The following BMPER variants were observed in gnomAD, a reference collection of about 807,000 sequenced individuals.
BMPER encodes the protein BMP binding endothelial regulator.
BMPER carries 45 observed loss-of-function variants against 87.3 expected under a neutral mutation model. That is an observed-to-expected ratio of 0.52 (90% CI 0.41 to 0.66). BMPER has a LOEUF of 0.66. Ranked by LOEUF, BMPER falls within the 30% of genes least tolerant of loss-of-function variation. The pLI, the probability that BMPER is intolerant of heterozygous loss-of-function variation, is 0.00. For missense variants in BMPER, 784 were observed against 867.5 expected (o/e 0.90, Z 1.21); for synonymous variants, 326 against 316.2 (o/e 1.03, Z -0.33).
chr7:34,148,232 G>A (rs1254895170), intron 14 of BMPER, among the ~76,000 whole-genome samples: 3 of 152,126 alleles, frequency 2.0e-5, no homozygotes, highest in African/African-American at 7.2e-5. Flanking sequence ...GTCATTGTCT[G>A]TCTGACAATG....
At chr7:34,018,609 C>A (rs1395076964) in intron 6 of BMPER, among the ~76,000 whole-genome samples, 3 of 151,890 alleles carry the variant, frequency 2.0e-5, no homozygotes, top group African/African-American at 7.2e-5. Context: ...TGAAATGTGG[C>A]TTGCACTTGG....
At chr7:33,989,385 CATGTGTTTTTT>C (rs1222192324) in intron 6 of BMPER, among the ~76,000 whole-genome samples, 16 of 151,912 alleles carry the variant, frequency 1.1e-4, no homozygotes, top group Admixed American at 3.3e-4. Context: ...AGCTTTTTTT[CATGTGTTTTTT>C]GGCTGCATAA....
At chr7:33,956,474 A>G (rs1785150108) in intron 3 of BMPER, among the ~76,000 whole-genome samples, 1 of 152,168 alleles carries the variant, frequency 6.6e-6, no homozygotes, top group African/African-American at 2.4e-5. Flanking sequence ...CCCTCGGACA[A>G]CATGGGTTTG....
chr7:33,988,119 C>T (rs1786063784), intron 6 of BMPER, among the ~76,000 whole-genome samples: 1 of 152,116 alleles, frequency 6.6e-6, no homozygotes. Context: ...TAATTTTTTT[C>T]ATGCTGTCAT....
chr7:33,913,894 C>T (rs1214628457), intron 2 of BMPER, among the ~76,000 whole-genome samples: 1 of 152,090 alleles, frequency 6.6e-6, no homozygotes, highest in Non-Finnish European at 1.5e-5. Context: ...CTGCGTGATC[C>T]ATTTGGTAAA....
intron 13 of BMPER, among the ~76,000 whole-genome samples, chr7:34,103,250 C>T (rs563110355): frequency 2.0e-4 from 30 of 152,166 alleles, no homozygotes; most frequent in African/African-American, 7.0e-4. Flanking sequence ...GAGCTGTGCC[C>T]TTATTTTCAG....
At chr7:34,006,244 A>T (rs1407744218) in intron 6 of BMPER, among the ~76,000 whole-genome samples, 1 of 152,026 alleles carries the variant, frequency 6.6e-6, no homozygotes, top group South Asian at 2.1e-4. Context: ...TTTTGTTTAG[A>T]AATCTATACA....
intron 6 of BMPER, among the ~76,000 whole-genome samples, chr7:34,011,635 A>AAAGC (rs1287717585): frequency 6.6e-6 from 1 of 151,482 alleles, no homozygotes; most frequent in Non-Finnish European, 1.5e-5. Context: ...AGAAACAAAG[A>AAAGC]AAGCAAATTT....
intron 6 of BMPER, among the ~76,000 whole-genome samples, chr7:34,014,712 T>C (rs1786974338): frequency 6.6e-6 from 1 of 151,976 alleles, no homozygotes; most frequent in African/African-American, 2.4e-5. Context: ...GGAATTGAGG[T>C]TGTAAGTAAA....
At chr7:33,990,773 A>G (rs1369368314) in intron 6 of BMPER, among the ~76,000 whole-genome samples, 58 of 120,934 alleles carry the variant, frequency 4.8e-4, no homozygotes, top group African/African-American at 1.7e-3. Flanking sequence ...AGCTCTTATT[A>G]TTTTGAAATA....
At chr7:34,064,358 A>G (rs1475213163) in intron 11 of BMPER, among the ~76,000 whole-genome samples, 1 of 152,204 alleles carries the variant, frequency 6.6e-6, no homozygotes, top group Non-Finnish European at 1.5e-5. Flanking sequence ...TTATTTTGCA[A>G]GGATCAAATA....
chr7:33,920,573 A>C (rs748130195), intron 2 of BMPER, among the ~76,000 whole-genome samples: 5 of 151,584 alleles, frequency 3.3e-5, no homozygotes, highest in Admixed American at 6.6e-5. Flanking sequence ...TTACAGGTGC[A>C]CACCACCACG....
Position 33,930,545 on chromosome 7 carries a change from G to C in BMPER, c.220-6744G>C, listed in dbSNP as rs952514673. On this transcript the variant is annotated intron_variant, in intron 2 of 14. Transcript: ENST00000649409. The stretch of plus-strand genomic sequence containing the variant: ...CAGGTATAAGCTTGCATTCTCTCCT[G>C]TCTGTGAGTTCATGCTCGTTTGCTC... Among the ~76,000 whole-genome samples, 4 of 152,174 alleles carry C rather than the reference G, an allele frequency of 2.6e-5. No homozygotes were observed. In the East Asian group the frequency reaches 7.7e-4, roughly 29 times the overall value.
At chr7:33,919,594 G>A (rs1784166166) in intron 2 of BMPER, among the ~76,000 whole-genome samples, 1 of 152,188 alleles carries the variant, frequency 6.6e-6, no homozygotes, top group South Asian at 2.1e-4. Context: ...AGCTCTGCAG[G>A]AAATGTGGGA....
chr7:34,103,328 C>T (rs1003295498), intron 13 of BMPER, among the ~76,000 whole-genome samples: 3 of 152,126 alleles, frequency 2.0e-5, no homozygotes, highest in African/African-American at 7.2e-5. Flanking sequence ...CTCCCAGGTC[C>T]GTTTAGACCT....
chr7:33,964,095 T>C (rs1785342087), intron 3 of BMPER, among the ~76,000 whole-genome samples: 1 of 152,240 alleles, frequency 6.6e-6, no homozygotes, highest in African/African-American at 2.4e-5. Flanking sequence ...TGATTGTATC[T>C]ATATCTGAGT....
chr7:33,917,631 A>C (rs907997239), intron 2 of BMPER, among the ~76,000 whole-genome samples: 1 of 152,234 alleles, frequency 6.6e-6, no homozygotes, highest in East Asian at 1.9e-4. Flanking sequence ...GGATATGCAG[A>C]TAAATGATGG....
intron 6 of BMPER, among the ~76,000 whole-genome samples, chr7:33,982,539 C>A (rs1447405747): frequency 6.6e-6 from 1 of 151,742 alleles, no homozygotes; most frequent in Non-Finnish European, 1.5e-5. Context: ...CTGGATAGCA[C>A]TTGGCCACTA....
chr7:34,008,004 A>G (rs1330094133), intron 6 of BMPER, among the ~76,000 whole-genome samples: 1 of 151,982 alleles, frequency 6.6e-6, no homozygotes, highest in African/African-American at 2.4e-5. Context: ...AATGGTGATA[A>G]ATATTAAGTT....
Sources: allele counts gnomAD v4.1 joint callset (sites outside exome capture counted in the v4.1 genomes callset), GRCh38; gene constraint gnomAD v4.1.1; transcripts MANE v1.5; gene names NCBI Gene and HGNC (gene_info 2026-07-23, HGNC 2026-07-21).